Variants in ATXN3 observed in about 807,000 individuals in gnomAD.
ATXN3 encodes ataxin-3.
ATXN3 carries 28 observed loss-of-function variants against 58.2 expected under a neutral mutation model. The ratio of observed to expected loss-of-function variants is 0.48; its 90% confidence interval spans 0.36 to 0.66. The LOEUF (loss-of-function observed/expected upper bound fraction) is 0.66, where lower values mean the gene tolerates loss of function less well. Ranked by LOEUF, ATXN3 falls within the 30% of genes least tolerant of loss-of-function variation. ATXN3 has a pLI of 0.00. For missense variants in ATXN3, 321 were observed against 422.1 expected, an observed-to-expected ratio of 0.76 and a Z score of 2.10; for synonymous variants, 113 against 138.5, an observed-to-expected ratio of 0.82 and a Z score of 1.29.
At chr14:92,076,424 G>C (rs1260388468) in intron 9 of ATXN3, among the ~76,000 whole-genome samples, 1 of 149,090 alleles carries the variant, frequency 6.7e-6, no homozygotes, top group African/African-American at 2.5e-5. Context: ...CTCCAGACTG[G>C]GTGACAAAAG....
intron 1 of ATXN3, among the ~76,000 whole-genome samples, chr14:92,100,314 C>T (rs2141247759): frequency 6.6e-6 from 1 of 152,132 alleles, no homozygotes; most frequent in South Asian, 2.1e-4. Context: ...CATCAAAAGA[C>T]ATGTATAAGA....
chr14:92,101,421 T>C (rs1013573615), intron 1 of ATXN3, among the ~76,000 whole-genome samples: 3 of 152,190 alleles, frequency 2.0e-5, no homozygotes, highest in Non-Finnish European at 2.9e-5. Context: ...ACCAAAAGAA[T>C]TGTACAATGA....
intron 6 of ATXN3, among the ~76,000 whole-genome samples, chr14:92,085,199 A>ATT (rs1311838253): frequency 6.8e-6 from 1 of 147,278 alleles, no homozygotes; most frequent in Admixed American, 6.8e-5. Context: ...TTTTTTTTTA[A>ATT]TTTTTTTTTG....
chr14:92,092,793 C>A (rs1202281392), intron 5 of ATXN3, among the ~76,000 whole-genome samples: 2 of 151,108 alleles, frequency 1.3e-5, no homozygotes. Context: ...TACACACACA[C>A]ACATTACTGG....
chr14:92,083,484 A>G (rs1216955081), intron 6 of ATXN3: 10 of 647,750 alleles, frequency 1.5e-5, no homozygotes, highest in Non-Finnish European at 2.6e-5. Context: ...TAAGACTGGA[A>G]GAGCCGTCTC....
intron 1 of ATXN3, among the ~76,000 whole-genome samples, chr14:92,102,761 A>G (rs558438914): frequency 6.6e-6 from 1 of 152,370 alleles, no homozygotes; most frequent in African/African-American, 2.4e-5. Context: ...GGAGGAAACT[A>G]GAGGACAGGG....
chr14:92,057,961 C>T (rs767777096), downstream of ATXN3, among the ~76,000 whole-genome samples: 9 of 152,172 alleles, frequency 5.9e-5, no homozygotes, highest in South Asian at 1.2e-3. Context: ...CCTTCCACCT[C>T]GGCCTCTCAA....
chr14:92,086,826 G>C (rs867364514), intron 6 of ATXN3, among the ~76,000 whole-genome samples: 5 of 151,590 alleles, frequency 3.3e-5, no homozygotes, highest in African/African-American at 7.3e-5. Context: ...CAAAAAAAGG[G>C]GGGGGGAACT....
intron 10 of ATXN3, among the ~76,000 whole-genome samples, chr14:92,066,207 A>C (rs2058373369): frequency 6.6e-6 from 1 of 152,200 alleles, no homozygotes; most frequent in Admixed American, 6.5e-5. Flanking sequence ...TATTTTCCAA[A>C]GTGCCTGCAT....
upstream of ATXN3, among the ~76,000 whole-genome samples, chr14:92,051,714 C>CTTTTTTTTTTTTTTTTTTTTTTTTTTTTT (rs1309210142): frequency 2.8e-5 from 1 of 35,298 alleles, no homozygotes; most frequent in Non-Finnish European, 6.7e-5. Context: ...TCTTCTTTTC[C>CTTTTTTTTTTTTTTTTTTTTTTTTTTTTT]TTTCTTTTTT....
intron 10 of ATXN3, among the ~76,000 whole-genome samples, chr14:92,065,361 T>C (rs10143581): frequency 0.27 from 41,295 of 152,126 alleles, 5,827 homozygotes; most frequent in East Asian, 0.36. Context: ...CTGTAGGACA[T>C]TTTGGTTGTT....
At position 92,084,327 on chromosome 14, in the gene ATXN3, C is replaced by A. The variant is rs544588049; in HGVS notation, c.476-1069G>T. Among the ~76,000 whole-genome samples, 4 of 152,206 alleles carry A rather than the reference C, an allele frequency of 2.6e-5. No homozygotes were observed. In the South Asian group the frequency reaches 8.3e-4, roughly 32 times the overall value. On this transcript the variant is annotated intron_variant, in intron 6 of 10. Transcript: ENST00000644486. ...CTAATCATCTGCGGAAAGAGCTACCCCCACCCTGACCCACACATGTACACC... is the reference window on the plus strand; with the variant it reads ...CTAATCATCTGCGGAAAGAGCTACCACCACCCTGACCCACACATGTACACC...
intron 6 of ATXN3, among the ~76,000 whole-genome samples, chr14:92,087,467 G>C (rs975513649): frequency 1.3e-5 from 2 of 152,096 alleles, no homozygotes; most frequent in Non-Finnish European, 2.9e-5. Flanking sequence ...AGATGGATGG[G>C]TGAATGGATG....
intron 1 of ATXN3, among the ~76,000 whole-genome samples, chr14:92,101,393 G>A (rs1266006230): frequency 2.0e-5 from 3 of 152,066 alleles, no homozygotes; most frequent in South Asian, 2.1e-4. Flanking sequence ...GTCATAGGAC[G>A]GATCAAATTC....
intron 6 of ATXN3, among the ~76,000 whole-genome samples, chr14:92,083,758 GGTGT>G (rs2061888899): frequency 6.6e-6 from 1 of 152,122 alleles, no homozygotes; most frequent in African/African-American, 2.4e-5. Flanking sequence ...ATTGTTTCTG[GGTGT>G]GTCTGCGAGG....
At chr14:92,104,331 G>A (rs572161146) in intron 1 of ATXN3, among the ~76,000 whole-genome samples, 40 of 152,058 alleles carry the variant, frequency 2.6e-4, no homozygotes, top group African/African-American at 9.2e-4. Flanking sequence ...TAGTAGAGAC[G>A]GGGTTTCACC....
chr14:92,090,254 C>A (rs1247137064), intron 5 of ATXN3: 1 of 152,008 alleles, frequency 6.6e-6, no homozygotes, highest in African/African-American at 2.4e-5. Flanking sequence ...AGGTGTGCAC[C>A]AAGATGCTTG....
downstream of ATXN3, among the ~76,000 whole-genome samples, chr14:92,053,668 T>C (rs1595426645): frequency 6.6e-6 from 1 of 151,910 alleles, no homozygotes; most frequent in East Asian, 1.9e-4. Context: ...AACTAATTTA[T>C]TTTTATTTCT....
At chr14:92,076,850 T>G (rs10141916) in intron 9 of ATXN3, among the ~76,000 whole-genome samples, 43,357 of 147,214 alleles carry the variant, frequency 0.29, 6,639 homozygotes, top group East Asian at 0.45. Context: ...TGAGGCAGAA[T>G]AATCGCTTAA....
Sources: allele counts gnomAD v4.1 joint callset (sites outside exome capture counted in the v4.1 genomes callset), GRCh38; gene constraint gnomAD v4.1.1; transcripts MANE v1.5; gene names NCBI Gene and HGNC (gene_info 2026-07-23, HGNC 2026-07-21).